The following DOT1L variants were observed in gnomAD, a reference collection of about 807,000 sequenced individuals.
The protein encoded by DOT1L is histone-lysine N-methyltransferase, H3 lysine-79 specific.
Under a neutral mutation model 153.3 loss-of-function variants are expected in DOT1L, and 33 were observed. The observed-to-expected ratio is 0.22, with a 90% confidence interval of 0.16 to 0.29. The LOEUF is 0.29. Ranked by LOEUF, DOT1L falls within the 10% of genes least tolerant of loss-of-function variation. DOT1L has a pLI of 1.00. For missense variants in DOT1L, 1,847 were observed against 2,119.9 expected, an observed-to-expected ratio of 0.87 and a Z score of 2.53; for synonymous variants, 1,135 against 965.1, an observed-to-expected ratio of 1.18 and a Z score of -3.26.
chr19:2,168,982 TGGTTGTTTGCTCG>T (rs1285020422), intron 1 of DOT1L, among the ~76,000 whole-genome samples: 11 of 152,172 alleles, frequency 7.2e-5, no homozygotes, highest in African/African-American at 2.7e-4. Context: ...GTGGCATTAT[TGGTTGTTTGCTCG>T]GAAAGAACCT....
Position 2,222,130 on chromosome 19 carries a change from C to A in DOT1L, c.2961C>A (p.His987Gln). 1.2e-6 allele frequency: 2 copies of A among 1,613,212 alleles called. No individual in the cohort carries two copies. Among genetic ancestry groups the A allele is most frequent in the South Asian group, 1.1e-5 (1 of 91,082 alleles). Reference protein sequence around the residue: ...TVGSRSSTPQHPLLLAQPRNS... With the variant: ...TVGSRSSTPQQPLLLAQPRNS... Reference sequence around the variant, plus strand: ...GGTCCCGCAGCTCCACGCCACAGCACCCCCTGCTGCTGGCACAGCCCCGGA... The same window carrying A: ...GGTCCCGCAGCTCCACGCCACAGCAACCCCTGCTGCTGGCACAGCCCCGGA... The change falls in exon 24 of 28, where the codon CAC (histidine) becomes CAA (glutamine). Residue 987 changes from histidine to glutamine, a missense_variant. Around this residue, in one of 8 missense-constraint regions of DOT1L, gnomAD observed 934 missense variants for 825.3 expected, o/e 1.13. Transcript: ENST00000398665. This position sits in a 1 kb window ranked among gnomAD's most constrained non-coding sequence, Gnocchi z 6.5.
intron 3 of DOT1L, among the ~76,000 whole-genome samples, chr19:2,187,698 G>GCT: frequency 1.3e-5 from 2 of 152,144 alleles, no homozygotes; most frequent in South Asian, 4.1e-4. Flanking sequence ...CGAGGCGGAT[G>GCT]GATCACGAGG....
At chr19:2,174,916 C>T (rs1286871820) in intron 1 of DOT1L, among the ~76,000 whole-genome samples, 1 of 151,478 alleles carries the variant, frequency 6.6e-6, no homozygotes, top group Non-Finnish European at 1.5e-5. Context: ...GGATTACAGG[C>T]ATAAGCCATT....
Position 2,208,503 on chromosome 19 carries a change from G to C in DOT1L, c.964-432G>C, listed in dbSNP as rs542736084. Among the ~76,000 whole-genome samples the C allele has an allele frequency of 4.6e-5, 7 of 152,302 alleles. No individual in the cohort carries two copies. The East Asian group carries it at 9.6e-4, about 21-fold the overall frequency. ...GAGAGGCATGGTGAGCTGAGGCTGA[G>C]GCTCTGGGGGCTTGGCCTACCGTGC... On this transcript the variant is annotated intron_variant, in intron 11 of 27. Coordinates refer to ENST00000398665, the MANE Select transcript of DOT1L (RefSeq NM_032482.3). The surrounding 1 kb of genome is among the most constrained non-coding windows in gnomAD (Gnocchi z 4.4).
In DOT1L at chr19:2,217,157, TA is replaced by T; in HGVS notation, c.2544+68del. On this transcript the variant is annotated intron_variant, in intron 21 of 27. Coordinates refer to ENST00000398665, the MANE Select transcript of DOT1L (RefSeq NM_032482.3). The surrounding 1 kb of genome is among the most constrained non-coding windows in gnomAD (Gnocchi z 7.3). ...AGCAGAGGCGGCCTGAGCGAGTTGC[TA>T]GCAGGAGGGCTTGTCCTAGTTGACC... 1 of 1,490,634 alleles carries T rather than the reference TA, an allele frequency of 6.7e-7. No homozygotes were observed. The highest frequency in any genetic ancestry group is 2.4e-5 in the East Asian group (1 of 42,450). The allele number at this position is 1,490,634 out of a possible 1,614,324, so 92.3% of individuals were successfully genotyped here. A position where few individuals can be genotyped will look rare whatever the true frequency, so the allele number is the denominator to read the frequency against.
chr19:2,225,554 G>C, intron 26 of DOT1L, 102 bp downstream of exon 26: 2 of 1,262,098 alleles, frequency 1.6e-6, no homozygotes, highest in East Asian at 4.7e-5. Flanking sequence ...ATCGTGTCCC[G>C]CATGGTGCTG....
In DOT1L at chr19:2,232,268, AT is replaced by A. The variant is rs2024635185; in HGVS notation, c.*2479del. ...GCCCATGAGGCACGCACAGTGACTTATTTAAGACTTCCCCCTTAATTTATCT... is the reference window on the plus strand; with the variant it reads ...GCCCATGAGGCACGCACAGTGACTTATTAAGACTTCCCCCTTAATTTATCT... On this transcript the variant is annotated 3_prime_UTR_variant, in exon 28 of 28. Coordinates refer to ENST00000398665, the MANE Select transcript of DOT1L (RefSeq NM_032482.3). The A allele has an allele frequency of 4.7e-6, 1 of 211,518 alleles. No homozygotes were observed. Among genetic ancestry groups the A allele is most frequent in the African/African-American group, 2.3e-5 (1 of 43,916 alleles). The allele number at this position is 211,518 out of a possible 1,614,324, so 13.1% of individuals were successfully genotyped here. A position where few individuals can be genotyped will look rare whatever the true frequency, so the allele number is the denominator to read the frequency against.
At chr19:2,216,147 G>A (rs2023889372) in intron 19 of DOT1L, 134 bp from the exon 20 acceptor site, 5 of 1,332,952 alleles carry the variant, frequency 3.8e-6, no homozygotes, top group Non-Finnish European at 4.0e-6. Context: ...TATGTGGTCG[G>A]CAGCTTTGGT....
At chr19:2,165,941 T>C (rs1281032540) in intron 1 of DOT1L, among the ~76,000 whole-genome samples, 1 of 151,446 alleles carries the variant, frequency 6.6e-6, no homozygotes, top group Non-Finnish European at 1.5e-5. Context: ...GCTAATGTTT[T>C]TTGTGTTTTT....
intron 20 of DOT1L, 21 bp from the exon 21 acceptor site, chr19:2,216,934 G>A (rs2023928595): frequency 1.9e-6 from 3 of 1,599,418 alleles, no homozygotes. Flanking sequence ...CCTCGAGAGT[G>A]ACTGCAGCTT....
rs1203057677 is a variant in DOT1L at position 2,220,517 on chromosome 19, C to CT, written c.2806+296dup. 17 of 521,986 alleles carry CT rather than the reference C, an allele frequency of 3.3e-5. No individual in the cohort carries two copies. The Admixed American group carries it at 3.8e-4, about 12-fold the overall frequency. 32.3% of individuals were successfully genotyped at this position (521,986 alleles called of 1,614,324 possible). ...TCGGCCCCAGTGCTCTCGGGGGCTCCTGTACTCACAGCTGGGAGGCCCCTG... is the reference window on the plus strand; with the variant it reads ...TCGGCCCCAGTGCTCTCGGGGGCTCCTTGTACTCACAGCTGGGAGGCCCCTG... On this transcript the variant is annotated intron_variant, in intron 23 of 27. Transcript: ENST00000398665. The surrounding 1 kb of genome is among the most constrained non-coding windows in gnomAD (Gnocchi z 4.5).
At chr19:2,174,980 GTGTGTGTGTGTGTGTATA>G (rs1390560052) in intron 1 of DOT1L, among the ~76,000 whole-genome samples, 25 of 109,412 alleles carry the variant, frequency 2.3e-4, no homozygotes, top group African/African-American at 9.4e-4. Flanking sequence ...GTGTGTGTGT[GTGTGTGTGTGTGTGTATA>G]TATATATTTT....
chr19:2,213,742 CTGTCCAGCTG>C, intron 17 of DOT1L, 97 bp from the exon 18 acceptor site: 1 of 1,599,048 alleles, frequency 6.3e-7, no homozygotes. Context: ...GTCTATGCCT[CTGTCCAGCTG>C]TGTCCCAGGG....
chr19:2,228,123 C>T (rs1391772064), intron 27 of DOT1L: 2 of 1,362,924 alleles, frequency 1.5e-6, no homozygotes, highest in Non-Finnish European at 9.8e-7. Context: ...TGCTGCCTCT[C>T]TGCCGCCTGC....
Position 2,216,483 on chromosome 19 carries a change from C to G in DOT1L, c.2126C>G (p.Pro709Arg), listed in dbSNP as rs372258317. The G allele has an allele frequency of 1.2e-6, 2 of 1,612,662 alleles. No homozygotes were observed. Among genetic ancestry groups the G allele is most frequent in the South Asian group, 1.1e-5 (1 of 91,084 alleles). ...FSLPHLSSMS[P>R]ELSMNGQAAG... The stretch of plus-strand genomic sequence containing the variant: ...CTGCCTCACTTGAGCAGCATGAGCC[C>G]GGAGCTCTCCATGAACGGCCAGGCT... Residue 709 changes from proline to arginine, a missense_variant, in exon 20 of 28, where the codon CCG becomes CGG. Around this residue, in one of 8 missense-constraint regions of DOT1L, gnomAD observed 281 missense variants for 263.6 expected, o/e 1.07. Coordinates refer to ENST00000398665, the MANE Select transcript of DOT1L (RefSeq NM_032482.3).
At chr19:2,218,664 A>G (rs1201050676) in intron 22 of DOT1L, among the ~76,000 whole-genome samples, 1 of 150,330 alleles carries the variant, frequency 6.7e-6, no homozygotes, top group Non-Finnish European at 1.5e-5. Flanking sequence ...AAGTGCTGGG[A>G]TTACAGGCGT....
At chr19:2,181,833 C>G (rs2022254210) in intron 2 of DOT1L, among the ~76,000 whole-genome samples, 1 of 152,034 alleles carries the variant, frequency 6.6e-6, no homozygotes, top group South Asian at 2.1e-4. Context: ...CCAGCCGCCT[C>G]TCTCTGCCTG....
At chr19:2,165,847 C>T (rs981783113) in intron 1 of DOT1L, among the ~76,000 whole-genome samples, 1 of 150,682 alleles carries the variant, frequency 6.6e-6, no homozygotes, top group Non-Finnish European at 1.5e-5. Context: ...CGGCTCGCTG[C>T]AAGCTCCGCC....
In DOT1L at chr19:2,217,168, C is replaced by T. The variant is rs139967246; in HGVS notation, c.2544+78C>T. On this transcript the variant is annotated intron_variant, in intron 21 of 27. Transcript: ENST00000398665. The surrounding 1 kb of genome is among the most constrained non-coding windows in gnomAD (Gnocchi z 7.3). Reference sequence around the variant, plus strand: ...CCTGAGCGAGTTGCTAGCAGGAGGGCTTGTCCTAGTTGACCTTGGGGCACG... The same window carrying T: ...CCTGAGCGAGTTGCTAGCAGGAGGGTTTGTCCTAGTTGACCTTGGGGCACG... The T allele has an allele frequency of 9.0e-4, 1,334 of 1,474,186 alleles. 6 individuals carry two copies. The highest frequency in any genetic ancestry group is 6.8e-3 in the African/African-American group (485 of 71,398). The allele number at this position is 1,474,186 out of a possible 1,614,324, so 91.3% of individuals were successfully genotyped here. A position where few individuals can be genotyped will look rare whatever the true frequency, so the allele number is the denominator to read the frequency against.
Sources: gnomAD v4.1 joint callset for allele counts (sites outside exome capture counted in the v4.1 genomes callset) on GRCh38, gnomAD v4.1.1 for gene constraint, gnomAD v4.1.1 regional missense constraint, Gnocchi (gnomAD v3.1) non-coding constraint, MANE v1.5 for transcripts, NCBI Gene and HGNC (gene_info 2026-07-23, HGNC 2026-07-21) for gene names.